Variants in SYNDIG1L observed in about 807,000 individuals in gnomAD.
SYNDIG1L encodes synapse differentiation inducing 1 like.
A neutral mutation model predicts 20.1 loss-of-function variants in SYNDIG1L; 13 were observed. That is an observed-to-expected ratio of 0.65 (90% CI 0.42 to 1.03). The LOEUF is 1.03. SYNDIG1L is among the 50% of genes least tolerant of loss of function. The pLI, the probability that SYNDIG1L is intolerant of heterozygous loss-of-function variation, is 0.00. For synonymous variants in SYNDIG1L, 128 were observed against 129.3 expected (o/e 0.99, Z 0.07); for missense variants, 294 against 305.1 (o/e 0.96, Z 0.27).
the SYNDIG1L span, among the ~76,000 whole-genome samples, chr14:74,450,615 T>C: frequency 6.6e-6 from 1 of 151,774 alleles, no homozygotes; most frequent in Non-Finnish European, 1.5e-5. Flanking sequence ...AGAAAAAACA[T>C]TTGACAAAAT....
At chr14:74,453,080 C>T in the SYNDIG1L span, among the ~76,000 whole-genome samples, 1 of 152,088 alleles carries the variant, frequency 6.6e-6, no homozygotes, top group Non-Finnish European at 1.5e-5. Context: ...GGTGCAGTGG[C>T]TCACACCTGT....
At chr14:74,467,811 G>A in the SYNDIG1L span, among the ~76,000 whole-genome samples, 1 of 152,164 alleles carries the variant, frequency 6.6e-6, no homozygotes, top group Non-Finnish European at 1.5e-5. Flanking sequence ...CTGACGTGGA[G>A]CTGGAGAGGA....
chr14:74,460,552 G>A, the SYNDIG1L span, among the ~76,000 whole-genome samples: 17 of 152,190 alleles, frequency 1.1e-4, no homozygotes, highest in African/African-American at 4.1e-4. Context: ...CTGTGACAGC[G>A]CTGGTCCACT....
the SYNDIG1L span, among the ~76,000 whole-genome samples, chr14:74,446,743 A>T: frequency 1.3e-5 from 2 of 151,562 alleles, no homozygotes; most frequent in South Asian, 2.1e-4. Flanking sequence ...CTGCCTACTG[A>T]GTAGCTGGGA....
chr14:74,447,159 A>G, the SYNDIG1L span, among the ~76,000 whole-genome samples: 1 of 152,242 alleles, frequency 6.6e-6, no homozygotes, highest in Admixed American at 6.5e-5. Context: ...AACCTCTGTT[A>G]CAACTGTATT....
At chr14:74,427,074 G>C (rs1480119953), upstream of SYNDIG1L, among the ~76,000 whole-genome samples, 7 of 148,978 alleles carry the variant, frequency 4.7e-5, no homozygotes, top group Middle Eastern at 6.5e-3. Flanking sequence ...TGGCTGCTTT[G>C]TCTCCACCCT....
chr14:74,406,141 GC>G lies in SYNDIG1L; in HGVS notation c.*1393del, dbSNP rs1220311200. ...AGACAGGCCTGCCCACATTGGTGCTGCCCCCCGCCTACCTGGAGATGTCTCT... is the reference window on the plus strand; with the variant it reads ...AGACAGGCCTGCCCACATTGGTGCTGCCCCCGCCTACCTGGAGATGTCTCT... On this transcript the variant is annotated 3_prime_UTR_variant, in exon 4 of 4. Transcript: ENST00000331628. The G allele has an allele frequency of 3.3e-5, 13 of 398,688 alleles. No individual in the cohort carries two copies. The highest frequency in any genetic ancestry group is 4.4e-5 in the Non-Finnish European group (10 of 226,336). 24.7% of individuals were successfully genotyped at this position (398,688 alleles called of 1,614,324 possible).
the SYNDIG1L span, among the ~76,000 whole-genome samples, chr14:74,439,131 A>T: frequency 6.6e-6 from 1 of 151,800 alleles, no homozygotes; most frequent in Non-Finnish European, 1.5e-5. Flanking sequence ...AAAAAAAAAA[A>T]AAAGGCTCAG....
the SYNDIG1L span, chr14:74,476,485 G>A: frequency 4.6e-6 from 7 of 1,524,252 alleles, no homozygotes; most frequent in Non-Finnish European, 6.2e-6. Context: ...ACACTGACAT[G>A]CCACGTCTGC....
At chr14:74,422,187 G>C (rs1032471419) in intron 1 of SYNDIG1L, among the ~76,000 whole-genome samples, 1 of 152,118 alleles carries the variant, frequency 6.6e-6, no homozygotes, top group East Asian at 1.9e-4. Context: ...TTCAGCATCC[G>C]GCCCCACTCC....
chr14:74,474,955 C>T, the SYNDIG1L span: 1 of 152,142 alleles, frequency 6.6e-6, no homozygotes, highest in East Asian at 1.9e-4. Context: ...AGGGTAGTCT[C>T]TATTCTCAAG....
At chr14:74,432,533 A>G in the SYNDIG1L span, among the ~76,000 whole-genome samples, 1 of 152,180 alleles carries the variant, frequency 6.6e-6, no homozygotes, top group Admixed American at 6.6e-5. Flanking sequence ...TGGGCACTGG[A>G]GAGCTATTGA....
chr14:74,431,751 AATGT>A, the SYNDIG1L span, among the ~76,000 whole-genome samples: 2 of 152,156 alleles, frequency 1.3e-5, no homozygotes, highest in Non-Finnish European at 2.9e-5. Context: ...ATAACTTCAA[AATGT>A]ACAGAGAATC....
At chr14:74,436,093 A>G in the SYNDIG1L span, among the ~76,000 whole-genome samples, 1 of 152,206 alleles carries the variant, frequency 6.6e-6, no homozygotes, top group Non-Finnish European at 1.5e-5. Context: ...TGCTCTGGCC[A>G]GCAAAGACGG....
chr14:74,440,333 G>A, the SYNDIG1L span, among the ~76,000 whole-genome samples: 1 of 152,118 alleles, frequency 6.6e-6, no homozygotes, highest in Non-Finnish European at 1.5e-5. Flanking sequence ...GGCTAACACA[G>A]TGAAACCCCG....
upstream of SYNDIG1L, among the ~76,000 whole-genome samples, chr14:74,427,504 C>T (rs551832496): frequency 5.9e-5 from 9 of 152,294 alleles, no homozygotes; most frequent in African/African-American, 1.9e-4. Flanking sequence ...AGCAAGTCCA[C>T]ATCATGGGGC....
chr14:74,418,812 C>T (rs1490710575), intron 1 of SYNDIG1L, among the ~76,000 whole-genome samples: 1 of 152,186 alleles, frequency 6.6e-6, no homozygotes, highest in African/African-American at 2.4e-5. Context: ...CTCATCATCC[C>T]CAAGATGCCA....
the SYNDIG1L span, among the ~76,000 whole-genome samples, chr14:74,434,361 C>T: frequency 6.6e-6 from 1 of 151,924 alleles, no homozygotes; most frequent in Non-Finnish European, 1.5e-5. Context: ...TGGGGAGTGA[C>T]CTCTACCCCT....
chr14:74,409,254 T>TC lies in SYNDIG1L; in HGVS notation c.417+73_417+74insG. On this transcript the variant is annotated intron_variant, in intron 2 of 3. Transcript: ENST00000331628. ...CCACCACGCCAGGCTAATTTTCAATTTTTTTTTTTTGTAGAGTCGGGGTCT... is the reference window on the plus strand; with the variant it reads ...CCACCACGCCAGGCTAATTTTCAATTCTTTTTTTTTTGTAGAGTCGGGGTCT... The TC allele has an allele frequency of 5.3e-6, 6 of 1,130,198 alleles. No individual in the cohort carries two copies. The African/African-American group carries it at 8.1e-5, about 15-fold the overall frequency. The allele number at this position is 1,130,198 out of a possible 1,614,324, so 70.0% of individuals were successfully genotyped here.
Sources: gnomAD v4.1 joint callset for allele counts (sites outside exome capture counted in the v4.1 genomes callset) on GRCh38, gnomAD v4.1.1 for gene constraint, MANE v1.5 for transcripts, NCBI Gene and HGNC (gene_info 2026-07-23, HGNC 2026-07-21) for gene names.